The following NKAIN3 variants were observed in gnomAD, a reference collection of about 807,000 sequenced individuals.
The protein encoded by NKAIN3 is sodium/potassium-transporting ATPase subunit beta-1-interacting protein 3.
In NKAIN3, 25 loss-of-function variants were observed where a neutral mutation model predicts 30.2. The ratio of observed to expected loss-of-function variants is 0.83; its 90% confidence interval spans 0.60 to 1.16. The LOEUF (loss-of-function observed/expected upper bound fraction) is 1.16, where lower values mean the gene tolerates loss of function less well. Ranked by LOEUF, NKAIN3 falls within the 50% of genes most tolerant of loss-of-function variation. The pLI is 0.00. For synonymous variants in NKAIN3, 91 were observed against 89.6 expected, an observed-to-expected ratio of 1.02 and a Z score of -0.09; for missense variants, 225 against 254.1, an observed-to-expected ratio of 0.89 and a Z score of 0.78.
intron 1 of NKAIN3, among the ~76,000 whole-genome samples, chr8:62,351,957 T>G (rs1299847292): frequency 6.6e-6 from 1 of 152,028 alleles, no homozygotes; most frequent in Non-Finnish European, 1.5e-5. Context: ...GAGACAGAGG[T>G]GTTCCTCCTG....
intron 1 of NKAIN3, among the ~76,000 whole-genome samples, chr8:62,266,620 G>A (rs1054657407): frequency 6.6e-6 from 1 of 152,134 alleles, no homozygotes; most frequent in Admixed American, 6.6e-5. Flanking sequence ...GTCAGGAGGC[G>A]GGACTCGACT....
chr8:62,589,621 A>C (rs1203899159), intron 2 of NKAIN3, 93 bp from the exon 3 acceptor site: 2 of 577,980 alleles, frequency 3.5e-6, no homozygotes, highest in African/African-American at 3.8e-5. Context: ...CAGAAGACAG[A>C]CTTATTGACA....
At chr8:62,985,379 G>A (rs1824181937), downstream of NKAIN3, among the ~76,000 whole-genome samples, 1 of 152,178 alleles carries the variant, frequency 6.6e-6, no homozygotes, top group African/African-American at 2.4e-5. Context: ...AGGTACCAAT[G>A]AGTCCAGAGA....
chr8:62,479,808 A>G (rs1396559899), intron 1 of NKAIN3, among the ~76,000 whole-genome samples: 1 of 147,628 alleles, frequency 6.8e-6, no homozygotes, highest in African/African-American at 2.7e-5. Context: ...TAAACCTTAG[A>G]TATGTTATTT....
chr8:62,258,593 G>A (rs1278396399), intron 1 of NKAIN3, among the ~76,000 whole-genome samples: 3 of 152,152 alleles, frequency 2.0e-5, no homozygotes, highest in Non-Finnish European at 2.9e-5. Flanking sequence ...CCAGGAGTTC[G>A]AGGCTGCAGT....
At position 62,670,373 on chromosome 8, in the gene NKAIN3, G is replaced by A. The variant is rs574665090; in HGVS notation, c.274-76559G>A. 2.9e-3 allele frequency among the ~76,000 whole-genome samples: 448 copies of A among 152,212 alleles called. 1 individual carries two copies. Among genetic ancestry groups the A allele is most frequent in the African/African-American group, 0.01 (423 of 41,524 alleles). On this transcript the variant is annotated intron_variant, in intron 3 of 6. Transcript: ENST00000623646. Reference sequence around the variant, plus strand: ...AAGAAATTGTTTCTACTCAGTACCCGTGTCTTGAAGAGGATAGGTTTTTTA... The same window carrying A: ...AAGAAATTGTTTCTACTCAGTACCCATGTCTTGAAGAGGATAGGTTTTTTA...
intron 3 of NKAIN3, among the ~76,000 whole-genome samples, chr8:62,681,341 C>T (rs1813638315): frequency 6.6e-6 from 1 of 152,112 alleles, no homozygotes; most frequent in Non-Finnish European, 1.5e-5. Flanking sequence ...CTTTCCCTTC[C>T]TAAAGAAAAA....
At position 62,608,707 on chromosome 8, in the gene NKAIN3, T is replaced by A. The variant is rs189860389; in HGVS notation, c.273+18913T>A. Among the ~76,000 whole-genome samples, 623 of 152,320 alleles carry A rather than the reference T, an allele frequency of 4.1e-3. 3 individuals carry two copies. The highest frequency in any genetic ancestry group is 0.014 in the African/African-American group (593 of 41,568). The stretch of plus-strand genomic sequence containing the variant: ...AAACTTTAACTTCCTTAAACTTTCT[T>A]ATAGAAGTCACAAATATTTTTATAA... On this transcript the variant is annotated intron_variant, in intron 3 of 6. Coordinates refer to ENST00000623646, the MANE Select transcript of NKAIN3 (RefSeq NM_001304533.3).
At chr8:62,744,697 T>C (rs573963573) in intron 3 of NKAIN3, among the ~76,000 whole-genome samples, 56 of 152,222 alleles carry the variant, frequency 3.7e-4, no homozygotes, top group Non-Finnish European at 7.1e-4. Flanking sequence ...CTGATGTTTG[T>C]GTGCAGGTAA....
At chr8:62,657,251 T>G (rs1812788358) in intron 3 of NKAIN3, among the ~76,000 whole-genome samples, 2 of 152,188 alleles carry the variant, frequency 1.3e-5, no homozygotes, top group South Asian at 4.1e-4. Context: ...ACAATAAAAC[T>G]TCTTAAGATA....
chr8:62,745,857 T>A (rs1816052254), intron 3 of NKAIN3, among the ~76,000 whole-genome samples: 1 of 152,160 alleles, frequency 6.6e-6, no homozygotes, highest in Non-Finnish European at 1.5e-5. Flanking sequence ...GCAAGTAATG[T>A]GAGAGAGTGC....
intron 3 of NKAIN3, among the ~76,000 whole-genome samples, chr8:62,740,048 T>C (rs1815815420): frequency 6.6e-6 from 1 of 152,190 alleles, no homozygotes; most frequent in Non-Finnish European, 1.5e-5. Context: ...TTGAACTAAT[T>C]CTAAGCCTTT....
At chr8:62,629,706 T>TA (rs2130259608) in intron 3 of NKAIN3, among the ~76,000 whole-genome samples, 1 of 152,284 alleles carries the variant, frequency 6.6e-6, no homozygotes, top group East Asian at 1.9e-4. Flanking sequence ...ATCATCACTC[T>TA]AAAAAATTAA....
At chr8:62,345,390 C>A (rs62509169) in intron 1 of NKAIN3, among the ~76,000 whole-genome samples, 6 of 14,892 alleles carry the variant, frequency 4.0e-4, no homozygotes, top group Non-Finnish European at 1.2e-3. Context: ...TGTATATATA[C>A]ACACATATAC....
At chr8:62,827,560 AC>A (rs2130739983) in intron 4 of NKAIN3, among the ~76,000 whole-genome samples, 1 of 152,350 alleles carries the variant, frequency 6.6e-6, no homozygotes, top group South Asian at 2.1e-4. Flanking sequence ...GCAGCATGAC[AC>A]ATGGGCAAGA....
chr8:62,276,456 G>T (rs34580219), intron 1 of NKAIN3, among the ~76,000 whole-genome samples: 1 of 152,172 alleles, frequency 6.6e-6, no homozygotes, highest in African/African-American at 2.4e-5. Flanking sequence ...CTGGATATAA[G>T]AAAAGAAATC....
At chr8:62,606,882 C>A (rs1811147263) in intron 3 of NKAIN3, among the ~76,000 whole-genome samples, 1 of 152,142 alleles carries the variant, frequency 6.6e-6, no homozygotes. Context: ...CTGTGCTCAT[C>A]ATTAGCTGAG....
chr8:62,533,842 T>C (rs1275970870), intron 1 of NKAIN3, among the ~76,000 whole-genome samples: 9 of 152,182 alleles, frequency 5.9e-5, no homozygotes, highest in Admixed American at 5.9e-4. Context: ...CATGAAATTA[T>C]GGAAAACAAA....
intron 4 of NKAIN3, among the ~76,000 whole-genome samples, chr8:62,831,082 C>T (rs543658342): frequency 2.6e-5 from 4 of 152,060 alleles, no homozygotes; most frequent in Admixed American, 2.0e-4. Context: ...TACCCATATG[C>T]GCCATCAGTT....
Sources: allele counts gnomAD v4.1 joint callset (sites outside exome capture counted in the v4.1 genomes callset), GRCh38; gene constraint gnomAD v4.1.1; transcripts MANE v1.5; gene names NCBI Gene and HGNC (gene_info 2026-07-23, HGNC 2026-07-21).